The following KLHL4 variants were observed in gnomAD, a reference collection of about 807,000 sequenced individuals.
KLHL4 encodes kelch-like protein 4.
In KLHL4, 17 loss-of-function variants were observed where a neutral mutation model predicts 45.8. The ratio of observed to expected loss-of-function variants is 0.37; its 90% CI spans 0.25 to 0.56. The LOEUF (loss-of-function observed/expected upper bound fraction) is 0.56, where lower values mean the gene tolerates loss of function less well. KLHL4 is among the 20% of genes least tolerant of loss of function. The pLI is 0.79. For synonymous variants in KLHL4, 224 were observed against 189.9 expected (o/e 1.18, Z -1.47); for missense variants, 544 against 544.9 (o/e 1.00, Z 0.02).
chrX:87,617,819 G>T, intron 3 of KLHL4, 113 bp from the exon 4 acceptor site: 1 of 560,089 alleles, frequency 1.8e-6, no homozygotes, highest in Non-Finnish European at 2.8e-6. Context: ...CTCCAAATCT[G>T]CTGAAAATCA....
Position 87,669,250 on chromosome X carries a change from C to A in KLHL4, c.*2716C>A, listed in dbSNP as rs768874004. 3 of 1,171,214 alleles carry A rather than the reference C, an allele frequency of 2.6e-6. No homozygotes were observed. Among genetic ancestry groups the A allele is most frequent in the South Asian group, 3.9e-5 (2 of 50,811 alleles). ...TCTATAATCACTATGACCGTGTTCA[C>A]GATTCCCTACTCTGCAACTCTCAGC... is the stretch of plus-strand genomic sequence containing the variant. On this transcript the variant is annotated 3_prime_UTR_variant, in exon 11 of 11. Coordinates refer to ENST00000373119, the MANE Select transcript of KLHL4 (RefSeq NM_019117.5).
Position 87,633,754 on chromosome X carries a change from G to A in KLHL4, c.1555G>A (p.Ala519Thr), listed in dbSNP as rs376351858. ...TATTATTTTAATTTTTTTAGGTGTA[G>A]CCACTCTTGAAGGACCAATGTATGC... ...MSTHRHGLGV[A>T]TLEGPMYAVG... The change falls in exon 8 of 11, where the codon GCC becomes ACC. Residue 519 changes from alanine to threonine, a missense_variant. Physicochemically the swap from Ala to Thr is moderately conservative, Grantham distance 58 (BLOSUM62 0). Transcript: ENST00000373119. 5.9e-6 allele frequency: 7 copies of A among 1,186,063 alleles called. No homozygotes were observed. In the African/African-American group the frequency reaches 1.2e-4, roughly 21 times the overall value.
At chrX:87,608,372 C>G (rs1922263946) in intron 1 of KLHL4, among the ~76,000 whole-genome samples, 1 of 111,663 alleles carries the variant, frequency 9.0e-6, no homozygotes, top group Non-Finnish European at 1.9e-5. Flanking sequence ...ATCACCAGCT[C>G]TCTGACCTCA....
At chrX:87,640,455 A>G (rs1853088) in intron 9 of KLHL4, among the ~76,000 whole-genome samples, 1 of 111,970 alleles carries the variant, frequency 8.9e-6, no homozygotes, top group Non-Finnish European at 1.9e-5. Context: ...AATACTAGTT[A>G]ACAGAATCCA....
chrX:87,533,967 G>T (rs1405433755), intron 1 of KLHL4, among the ~76,000 whole-genome samples: 1 of 111,480 alleles, frequency 9.0e-6, no homozygotes, highest in Non-Finnish European at 1.9e-5. Context: ...TCAATTAGGA[G>T]TGATGATCAG....
chrX:87,650,314 T>C (rs1363818959), intron 9 of KLHL4, among the ~76,000 whole-genome samples: 1 of 111,214 alleles, frequency 9.0e-6, no homozygotes, highest in East Asian at 2.8e-4. Context: ...CCCTGGCTGA[T>C]CTCAAATGCC....
chrX:87,612,851 T>G (rs5924063), intron 1 of KLHL4, among the ~76,000 whole-genome samples: 41,829 of 109,564 alleles, frequency 0.38, 6,157 homozygotes, highest in Middle Eastern at 0.46. Context: ...TTAGGATAAT[T>G]TGAGTTAAGT....
At chrX:87,533,035 A>C (rs1931335836) in intron 1 of KLHL4, among the ~76,000 whole-genome samples, 1 of 106,182 alleles carries the variant, frequency 9.4e-6, no homozygotes, top group Non-Finnish European at 1.9e-5. Context: ...AATGGCAATC[A>C]TTAAAAAGTC....
chrX:87,608,123 G>A (rs988837030), intron 1 of KLHL4, among the ~76,000 whole-genome samples: 2 of 111,267 alleles, frequency 1.8e-5, no homozygotes, highest in Non-Finnish European at 3.8e-5. Context: ...CATTCTTTAC[G>A]TAATCCATCA....
intron 1 of KLHL4, among the ~76,000 whole-genome samples, chrX:87,546,440 G>C (rs1352029746): frequency 8.9e-6 from 1 of 112,160 alleles, no homozygotes; most frequent in Non-Finnish European, 1.9e-5. Flanking sequence ...CCTCCACCTA[G>C]ATTTCAGAGG....
chrX:87,606,298 A>T (rs1482368397), intron 1 of KLHL4, among the ~76,000 whole-genome samples: 1 of 111,041 alleles, frequency 9.0e-6, no homozygotes, highest in Non-Finnish European at 1.9e-5. Flanking sequence ...GATTGGTATT[A>T]GTTGTTACTT....
At chrX:87,626,600 G>C (rs770480964) in intron 6 of KLHL4, among the ~76,000 whole-genome samples, 42 of 107,712 alleles carry the variant, frequency 3.9e-4, no homozygotes, top group Non-Finnish European at 6.0e-4. Flanking sequence ...AGCATCTGGA[G>C]GCCCACAAGG....
At chrX:87,616,208 T>G (rs1447097979) in intron 3 of KLHL4, among the ~76,000 whole-genome samples, 5 of 111,196 alleles carry the variant, frequency 4.5e-5, no homozygotes, top group Non-Finnish European at 7.6e-5. Context: ...TTTGAGGTAC[T>G]GAAATTTCTT....
chrX:87,635,852 T>C (rs1391298847), intron 9 of KLHL4, 77 bp downstream of exon 9: 2 of 762,948 alleles, frequency 2.6e-6, no homozygotes, highest in Non-Finnish European at 3.7e-6. Flanking sequence ...TTTTTTTTCT[T>C]TTAAATGGAA....
At chrX:87,604,556 C>T (rs991367142) in intron 1 of KLHL4, among the ~76,000 whole-genome samples, 5 of 110,203 alleles carry the variant, frequency 4.5e-5, no homozygotes, top group African/African-American at 1.6e-4. Context: ...ACCAGTTGGC[C>T]ATTTATATGT....
chrX:87,597,852 T>C (rs1223865174), intron 1 of KLHL4, among the ~76,000 whole-genome samples: 3 of 111,341 alleles, frequency 2.7e-5, no homozygotes, highest in African/African-American at 9.8e-5. Context: ...AGTATTGTCA[T>C]ATTACCTTCT....
intron 1 of KLHL4, among the ~76,000 whole-genome samples, chrX:87,559,703 A>G (rs1932054542): frequency 9.0e-6 from 1 of 111,540 alleles, no homozygotes; most frequent in Admixed American, 9.6e-5. Flanking sequence ...AATACATGCA[A>G]GACACCTTGA....
At position 87,517,811 on chromosome X, in the gene KLHL4, A is replaced by G; in HGVS notation, c.-83A>G. The stretch of plus-strand genomic sequence containing the variant: ...CGGCACTTGTGCTTTTGTTAGTTCT[A>G]CAGAAGAGGCAGAAAAACAAGAGAT... On this transcript the variant is annotated 5_prime_UTR_variant, in exon 1 of 11. Coordinates refer to ENST00000373119, the MANE Select transcript of KLHL4 (RefSeq NM_019117.5). 9.7e-7 allele frequency: 1 copy of G among 1,026,580 alleles called. No individual in the cohort carries two copies. Among genetic ancestry groups the G allele is most frequent in the Non-Finnish European group, 1.3e-6 (1 of 756,047 alleles). 84.6% of individuals were successfully genotyped at this position (1,026,580 alleles called of 1,213,427 possible). A position where few individuals can be genotyped will look rare whatever the true frequency, so the allele number is the denominator to read the frequency against.
chrX:87,608,536 A>G (rs1032243976), intron 1 of KLHL4, among the ~76,000 whole-genome samples: 2 of 110,315 alleles, frequency 1.8e-5, no homozygotes, highest in Admixed American at 9.7e-5. Context: ...GCATTTCTAT[A>G]AAGGAATACC....
Sources: allele counts gnomAD v4.1 joint callset (sites outside exome capture counted in the v4.1 genomes callset), GRCh38; gene constraint gnomAD v4.1.1; transcripts MANE v1.5; gene names NCBI Gene and HGNC (gene_info 2026-07-23, HGNC 2026-07-21).